Variants in PLCB4 observed in about 807,000 individuals in gnomAD.
The protein encoded by PLCB4 is 1-phosphatidylinositol 4,5-bisphosphate phosphodiesterase beta-4.
Under a neutral mutation model 178.8 loss-of-function variants are expected in PLCB4, and 77 were observed. The ratio of observed to expected loss-of-function variants is 0.43; its 90% CI spans 0.36 to 0.52. The LOEUF is 0.52. Among genes scored for constraint, PLCB4 ranks in the 20% least tolerant of loss-of-function variants. PLCB4 has a pLI of 0.00. For missense variants in PLCB4, 1,024 were observed against 1,453.4 expected (o/e 0.70, Z 4.80); for synonymous variants, 496 against 490.8 (o/e 1.01, Z -0.14).
intron 3 of PLCB4, among the ~76,000 whole-genome samples, chr20:9,289,215 A>G (rs1376353981): frequency 6.6e-6 from 1 of 152,130 alleles, no homozygotes; most frequent in East Asian, 1.9e-4. Context: ...ATAGGCAGCA[A>G]CATTGATTTT....
chr20:9,279,417 T>C (rs1465860835), intron 3 of PLCB4, among the ~76,000 whole-genome samples: 1 of 151,842 alleles, frequency 6.6e-6, no homozygotes. Flanking sequence ...GAAGAGAGAA[T>C]TAGAGAAAAC....
At chr20:9,398,913 C>A (rs6086874) in intron 19 of PLCB4, among the ~76,000 whole-genome samples, 1 of 152,308 alleles carries the variant, frequency 6.6e-6, no homozygotes, top group East Asian at 1.9e-4. Context: ...CCAGAGCTAC[C>A]TGATTCAAGT....
rs116436954 is a variant in PLCB4 at position 9,320,516 on chromosome 20, A to C, written c.84+12618A>C. ...TCTCATCCTGTAACTAAGAATGCCTAACCTCCTGGGAATGTAGCCTAGTAG... is the reference window on the plus strand; with the variant it reads ...TCTCATCCTGTAACTAAGAATGCCTCACCTCCTGGGAATGTAGCCTAGTAG... On this transcript the variant is annotated intron_variant, in intron 4 of 39. Coordinates refer to ENST00000378473, the MANE Select transcript of PLCB4 (RefSeq NM_001377142.1). 8.1e-3 allele frequency among the ~76,000 whole-genome samples: 1,234 copies of C among 152,212 alleles called. 13 individuals carry two copies. The highest frequency in any genetic ancestry group is 0.027 in the African/African-American group (1,115 of 41,512).
chr20:9,477,883 C>G (rs1245780211), intron 39 of PLCB4, among the ~76,000 whole-genome samples: 4 of 152,018 alleles, frequency 2.6e-5, no homozygotes. Context: ...TGACCAAATC[C>G]CCTCCCAGTG....
At chr20:9,349,408 A>G (rs1428538680) in intron 7 of PLCB4, among the ~76,000 whole-genome samples, 3 of 152,180 alleles carry the variant, frequency 2.0e-5, no homozygotes, top group East Asian at 1.9e-4. Context: ...GCATTTTATT[A>G]TATGAATTTT....
intron 35 of PLCB4, 86 bp downstream of exon 35, chr20:9,459,896 A>C: frequency 1.2e-6 from 1 of 826,604 alleles, no homozygotes; most frequent in Non-Finnish European, 1.9e-6. Flanking sequence ...CAAGGTAATA[A>C]GTGAAATCAA....
chr20:9,170,935 T>C (rs1475729874), intron 2 of PLCB4, among the ~76,000 whole-genome samples: 1 of 152,194 alleles, frequency 6.6e-6, no homozygotes, highest in South Asian at 2.1e-4. Flanking sequence ...ATGGTCAAAA[T>C]GAATGAGTTA....
chr20:9,274,614 C>T (rs2094435630), intron 3 of PLCB4, among the ~76,000 whole-genome samples: 1 of 152,066 alleles, frequency 6.6e-6, no homozygotes, highest in South Asian at 2.1e-4. Context: ...AAATATCCCA[C>T]ATAGGGTTAA....
chr20:9,202,648 C>G (rs1365822741), intron 2 of PLCB4, among the ~76,000 whole-genome samples: 1 of 152,132 alleles, frequency 6.6e-6, no homozygotes, highest in Non-Finnish European at 1.5e-5. Context: ...TTAGAGGGAC[C>G]TTGCCAGCTG....
intron 19 of PLCB4, among the ~76,000 whole-genome samples, chr20:9,399,712 G>A (rs1228482133): frequency 6.6e-6 from 1 of 152,186 alleles, no homozygotes; most frequent in Non-Finnish European, 1.5e-5. Flanking sequence ...CTCTTAAGGT[G>A]GTTAGTAAGT....
At chr20:9,391,744 C>A (rs1292547776) in intron 17 of PLCB4, among the ~76,000 whole-genome samples, 2 of 152,306 alleles carry the variant, frequency 1.3e-5, no homozygotes, top group South Asian at 2.1e-4. Context: ...GCTCTGGTCA[C>A]TGGAGCCTGC....
intron 25 of PLCB4, among the ~76,000 whole-genome samples, chr20:9,414,142 T>C (rs1213424677): frequency 1.3e-5 from 2 of 152,232 alleles, no homozygotes; most frequent in Admixed American, 6.5e-5. Context: ...TCTGTGCTGA[T>C]GTGTTGGACG....
At chr20:9,450,717 C>T (rs1458404573) in intron 32 of PLCB4, among the ~76,000 whole-genome samples, 5 of 129,776 alleles carry the variant, frequency 3.9e-5, no homozygotes, top group African/African-American at 5.9e-5. Flanking sequence ...GGCATGATCT[C>T]GACTCACTGC....
chr20:9,387,820 AAC>A (rs2037803843), intron 15 of PLCB4, among the ~76,000 whole-genome samples: 1 of 152,244 alleles, frequency 6.6e-6, no homozygotes, highest in African/African-American at 2.4e-5. Context: ...TTACCTTAGA[AAC>A]AGTGTCTCCT....
At chr20:9,075,184 A>G (rs74391622) in intron 1 of PLCB4, among the ~76,000 whole-genome samples, 3,971 of 152,146 alleles carry the variant, frequency 0.026, 161 homozygotes, top group African/African-American at 0.09. Context: ...TGAGACTGAA[A>G]CTCAGGTAGG....
chr20:9,105,634 TAAAG>T (rs2091334342), intron 2 of PLCB4, among the ~76,000 whole-genome samples: 1 of 152,070 alleles, frequency 6.6e-6, no homozygotes, highest in South Asian at 2.1e-4. Context: ...AGTAAAATAT[TAAAG>T]AACCTTGTTT....
chr20:9,421,992 A>G (rs1387328026), intron 27 of PLCB4, among the ~76,000 whole-genome samples: 3 of 152,164 alleles, frequency 2.0e-5, no homozygotes, highest in Non-Finnish European at 4.4e-5. Context: ...GATCCTAAAA[A>G]CAATCACAGC....
chr20:9,386,724 A>G (rs1254951754), intron 14 of PLCB4, among the ~76,000 whole-genome samples: 1 of 151,714 alleles, frequency 6.6e-6, no homozygotes, highest in African/African-American at 2.4e-5. Context: ...TTTGTTATAT[A>G]TGTATACATG....
intron 3 of PLCB4, among the ~76,000 whole-genome samples, chr20:9,270,137 A>G (rs1033061488): frequency 6.6e-6 from 1 of 152,022 alleles, no homozygotes; most frequent in African/African-American, 2.4e-5. Flanking sequence ...ATGACAGCTT[A>G]AAGTAATATT....
Sources: gnomAD v4.1 joint callset for allele counts (sites outside exome capture counted in the v4.1 genomes callset) on GRCh38, gnomAD v4.1.1 for gene constraint, MANE v1.5 for transcripts, NCBI Gene and HGNC (gene_info 2026-07-23, HGNC 2026-07-21) for gene names.